VWA8: variants seen among roughly 807,000 people sequenced by gnomAD.
VWA8 encodes von Willebrand factor A domain-containing protein 8.
VWA8 carries 221 observed loss-of-function variants against 241.5 expected under a neutral mutation model. The observed-to-expected ratio is 0.91, with a 90% CI of 0.82 to 1.02. The LOEUF (loss-of-function observed/expected upper bound fraction) is 1.02. Among genes scored for constraint, VWA8 ranks in the 50% least tolerant of loss-of-function variants. The pLI is 0.00. For synonymous variants in VWA8, 852 were observed against 827.1 expected (o/e 1.03, Z -0.52); for missense variants, 2,322 against 2,328.7 (o/e 1.00, Z 0.06).
intron 21 of VWA8, among the ~76,000 whole-genome samples, chr13:41,737,897 A>C (rs1230391633): frequency 2.6e-5 from 4 of 152,138 alleles, no homozygotes; most frequent in Non-Finnish European, 4.4e-5. Flanking sequence ...AAAAAAGAAA[A>C]AAGAAGACAA....
chr13:41,767,355 C>T (rs1228193022), intron 20 of VWA8, among the ~76,000 whole-genome samples: 1 of 152,164 alleles, frequency 6.6e-6, no homozygotes, highest in Non-Finnish European at 1.5e-5. Flanking sequence ...ACTATACTAT[C>T]CCTCTCAGGT....
At chr13:41,930,399 A>C (rs546786965) in intron 2 of VWA8, among the ~76,000 whole-genome samples, 90 of 152,336 alleles carry the variant, frequency 5.9e-4, no homozygotes, top group African/African-American at 2.1e-3. Context: ...ATCACCTCAT[A>C]AAGATATCTG....
At chr13:41,779,367 T>A (rs1868786059) in intron 19 of VWA8, among the ~76,000 whole-genome samples, 1 of 151,856 alleles carries the variant, frequency 6.6e-6, no homozygotes, top group South Asian at 2.1e-4. Context: ...TTTTATCTCC[T>A]TCAGGAACAA....
Position 41,729,625 on chromosome 13 carries a change from G to A in VWA8, c.2555C>T (p.Ala852Val). 6.2e-7 allele frequency: 1 copy of A among 1,613,080 alleles called. No individual in the cohort carries two copies. Among genetic ancestry groups the A allele is most frequent in the Non-Finnish European group, 8.5e-7 (1 of 1,179,446 alleles). ...HILVVDEADKAPTNVTCILKT... is the reference protein window; with the variant it reads ...HILVVDEADKVPTNVTCILKT... Reference sequence around the variant, plus strand: ...TAAAATACACGTGACATTTGTTGGAGCTTTGTCAGCCTCATCTACTACCAG... The same window carrying A: ...TAAAATACACGTGACATTTGTTGGAACTTTGTCAGCCTCATCTACTACCAG... The change falls in exon 23 of 45, where the codon GCT becomes GTT. Residue 852 changes from alanine to valine, a missense_variant. Physicochemically the swap from Ala to Val is moderately conservative, Grantham distance 64 (BLOSUM62 0). Transcript: ENST00000379310.
intron 30 of VWA8, 101 bp from the exon 31 acceptor site, chr13:41,692,039 G>C: frequency 1.4e-6 from 1 of 694,148 alleles, no homozygotes; most frequent in Non-Finnish European, 2.5e-6. Flanking sequence ...TCTTCAACTA[G>C]TAAAACATGT....
chr13:41,789,674 G>T (rs554543264), intron 17 of VWA8, among the ~76,000 whole-genome samples: 5 of 152,268 alleles, frequency 3.3e-5, no homozygotes, highest in Admixed American at 2.0e-4. Context: ...TGGTAGCAAA[G>T]AAGTCTGTTA....
intron 35 of VWA8, 83 bp downstream of exon 35, chr13:41,684,964 A>G: frequency 8.3e-7 from 1 of 1,206,254 alleles, no homozygotes; most frequent in Admixed American, 2.3e-5. Flanking sequence ...ATGAAATGAT[A>G]AAGATAAATT....
intron 9 of VWA8, among the ~76,000 whole-genome samples, chr13:41,879,131 C>A (rs1381869206): frequency 6.6e-6 from 1 of 152,068 alleles, no homozygotes; most frequent in Non-Finnish European, 1.5e-5. Context: ...ACTTCGATGA[C>A]CAATGGCCAA....
At chr13:41,595,681 T>C (rs2044483485) in intron 40 of VWA8, among the ~76,000 whole-genome samples, 2 of 152,180 alleles carry the variant, frequency 1.3e-5, no homozygotes, top group African/African-American at 4.8e-5. Context: ...ATGTTGTGTG[T>C]GGCAGAACTT....
chr13:41,949,818 A>G, intron 2 of VWA8, 118 bp downstream of exon 2: 1 of 531,594 alleles, frequency 1.9e-6, no homozygotes, highest in South Asian at 4.2e-5. Context: ...ATAAATGTTG[A>G]AGCTGGATGA....
At chr13:41,721,632 G>A in intron 24 of VWA8, 57 bp from the exon 25 acceptor site, 1 of 1,516,908 alleles carries the variant, frequency 6.6e-7, no homozygotes, top group African/African-American at 1.4e-5. Flanking sequence ...CGATGTCACA[G>A]GAAAAAATGG....
chr13:41,792,281 G>A (rs908713553), intron 17 of VWA8, among the ~76,000 whole-genome samples: 4 of 151,744 alleles, frequency 2.6e-5, no homozygotes, highest in Non-Finnish European at 4.4e-5. Context: ...TAGTTTGTGG[G>A]TTATAACTTA....
intron 38 of VWA8, 21 bp downstream of exon 38, chr13:41,614,955 G>A: frequency 6.2e-7 from 1 of 1,611,856 alleles, no homozygotes; most frequent in East Asian, 2.2e-5. Context: ...GCTGACTCAG[G>A]AGAATGCCTG....
chr13:41,633,790 C>T (rs1203954015), intron 37 of VWA8, among the ~76,000 whole-genome samples: 1 of 152,096 alleles, frequency 6.6e-6, no homozygotes, highest in African/African-American at 2.4e-5. Context: ...TTTCTACAAT[C>T]GAACATAGGC....
intron 42 of VWA8, among the ~76,000 whole-genome samples, chr13:41,582,592 T>C (rs759204500): frequency 1.3e-5 from 2 of 152,230 alleles, no homozygotes; most frequent in Non-Finnish European, 1.5e-5. Context: ...TATTTTTCTC[T>C]AGGAGCTCCT....
chr13:41,770,417 G>A (rs1337224893), intron 20 of VWA8, among the ~76,000 whole-genome samples: 1 of 149,744 alleles, frequency 6.7e-6, no homozygotes, highest in African/African-American at 2.5e-5. Flanking sequence ...CTACAGCCTG[G>A]GCGACAGAGC....
chr13:41,629,113 G>A (rs892475690), intron 37 of VWA8, among the ~76,000 whole-genome samples: 12 of 152,022 alleles, frequency 7.9e-5, no homozygotes, highest in African/African-American at 2.9e-4. Context: ...GCCAACTGAG[G>A]GTGGAGGTTA....
At chr13:41,712,080 G>A (rs1368655209) in intron 26 of VWA8, among the ~76,000 whole-genome samples, 1 of 152,072 alleles carries the variant, frequency 6.6e-6, no homozygotes, top group Non-Finnish European at 1.5e-5. Context: ...ATAGATACCA[G>A]AGGTTGGGAA....
intron 21 of VWA8, among the ~76,000 whole-genome samples, chr13:41,741,388 C>A (rs1368252240): frequency 6.6e-6 from 1 of 152,224 alleles, no homozygotes. Context: ...CCCTTTCCGC[C>A]ACTTTTTATG....
Sources: allele counts gnomAD v4.1 joint callset (sites outside exome capture counted in the v4.1 genomes callset), GRCh38; gene constraint gnomAD v4.1.1; transcripts MANE v1.5; gene names NCBI Gene and HGNC (gene_info 2026-07-23, HGNC 2026-07-21).